LRRTM4: variants seen among roughly 807,000 people sequenced by gnomAD.
LRRTM4 encodes the protein leucine-rich repeat transmembrane neuronal protein 4.
In LRRTM4, 25 loss-of-function variants were observed where a neutral mutation model predicts 47.6. That is an observed-to-expected ratio of 0.53 (90% CI 0.38 to 0.73). The LOEUF (loss-of-function observed/expected upper bound fraction) is 0.73, where lower values mean the gene tolerates loss of function less well. Ranked by LOEUF, LRRTM4 falls within the 30% of genes least tolerant of loss-of-function variation. LRRTM4 has a pLI of 0.00. For missense variants in LRRTM4, 638 were observed against 713.4 expected (o/e 0.89, Z 1.20); for synonymous variants, 311 against 269.5 (o/e 1.15, Z -1.51).
At chr2:77,127,676 C>T (rs1257679436) in intron 3 of LRRTM4, among the ~76,000 whole-genome samples, 2 of 151,990 alleles carry the variant, frequency 1.3e-5, no homozygotes, top group Non-Finnish European at 2.9e-5. Flanking sequence ...GCAGTCTTAC[C>T]AATGGCCCAG....
intron 3 of LRRTM4, among the ~76,000 whole-genome samples, chr2:76,800,023 C>G (rs1052298298): frequency 6.6e-6 from 1 of 151,918 alleles, no homozygotes; most frequent in Admixed American, 6.6e-5. Context: ...AATGGTCATA[C>G]TGCCCAAGGT....
chr2:76,834,015 ATTTATTAT>A (rs1428195469), intron 3 of LRRTM4, among the ~76,000 whole-genome samples: 2 of 121,808 alleles, frequency 1.6e-5, no homozygotes, highest in African/African-American at 7.1e-5. Context: ...TTTTTCATTT[ATTTATTAT>A]TTATTTATTT....
At chr2:77,371,393 T>C (rs1183144756) in intron 3 of LRRTM4, among the ~76,000 whole-genome samples, 1 of 151,740 alleles carries the variant, frequency 6.6e-6, no homozygotes, top group Non-Finnish European at 1.5e-5. Context: ...CAGCTACTTT[T>C]ACCATTCCCT....
chr2:76,835,763 C>G (rs1238313290), intron 3 of LRRTM4, among the ~76,000 whole-genome samples: 1 of 151,980 alleles, frequency 6.6e-6, no homozygotes, highest in Non-Finnish European at 1.5e-5. Context: ...AAGGTTACCT[C>G]AGTGGACCAG....
intron 3 of LRRTM4, among the ~76,000 whole-genome samples, chr2:77,129,304 T>C (rs1021071204): frequency 2.0e-5 from 3 of 152,236 alleles, no homozygotes; most frequent in African/African-American, 7.2e-5. Context: ...TTCAAGCTTT[T>C]TGAAATGTTA....
intron 3 of LRRTM4, among the ~76,000 whole-genome samples, chr2:77,245,829 A>G (rs866186258): frequency 6.6e-6 from 1 of 152,198 alleles, no homozygotes; most frequent in African/African-American, 2.4e-5. Context: ...GTAGAGATGC[A>G]ATTTTAGATG....
At chr2:76,834,176 G>A (rs1671442636) in intron 3 of LRRTM4, among the ~76,000 whole-genome samples, 1 of 151,014 alleles carries the variant, frequency 6.6e-6, no homozygotes, top group South Asian at 2.1e-4. Flanking sequence ...TAATGGCTGG[G>A]ATTACAGGTG....
In LRRTM4 at chr2:77,360,180, G is replaced by A. The variant is rs997350389; in HGVS notation, c.1551+158138C>T. Among the ~76,000 whole-genome samples, 21 of 152,020 alleles carry A rather than the reference G, an allele frequency of 1.4e-4. 1 individual carries two copies. Among genetic ancestry groups the A allele is most frequent in the African/African-American group, 4.4e-4 (18 of 41,378 alleles). ...CAATAATAAATAGTGCTTGTAGGCCGGGAACAGTGGCTCACGCCTGTAATC... is the reference window on the plus strand; with the variant it reads ...CAATAATAAATAGTGCTTGTAGGCCAGGAACAGTGGCTCACGCCTGTAATC... On this transcript the variant is annotated intron_variant, in intron 3 of 3. Transcript: ENST00000409884.
At chr2:77,051,365 C>A (rs1193509659) in intron 3 of LRRTM4, among the ~76,000 whole-genome samples, 1 of 151,956 alleles carries the variant, frequency 6.6e-6, no homozygotes, top group East Asian at 1.9e-4. Flanking sequence ...TAGGGAGAGG[C>A]CAAGTGAGAG....
At chr2:77,247,838 C>A (rs137998903) in intron 3 of LRRTM4, among the ~76,000 whole-genome samples, 1 of 151,552 alleles carries the variant, frequency 6.6e-6, no homozygotes. Context: ...TGCAATTGCA[C>A]TTTTATATTT....
At chr2:77,033,935 A>G (rs978375581) in intron 3 of LRRTM4, among the ~76,000 whole-genome samples, 1 of 151,898 alleles carries the variant, frequency 6.6e-6, no homozygotes, top group South Asian at 2.1e-4. Flanking sequence ...AGCTGTAAGC[A>G]AAGGACCAGA....
chr2:76,808,190 T>G (rs1670614194), intron 3 of LRRTM4, among the ~76,000 whole-genome samples: 1 of 151,762 alleles, frequency 6.6e-6, no homozygotes, highest in African/African-American at 2.4e-5. Context: ...CAGGCTAATT[T>G]TGTATTTTTA....
chr2:77,083,783 C>CTTTTTT lies in LRRTM4; in HGVS notation c.1552-334873_1552-334868dup, dbSNP rs386390525. On this transcript the variant is annotated intron_variant, in intron 3 of 3. Coordinates refer to ENST00000409884, the MANE Select transcript of LRRTM4 (RefSeq NM_001134745.3). ...ACTTCTCAATTTTTAACTGGACACA[C>CTTTTTT]TTTTTTTTTTTTTTTTTTTTTTTTT... Among the ~76,000 whole-genome samples, 311 of 52,372 alleles carry CTTTTTT rather than the reference C, an allele frequency of 5.9e-3. 64 individuals are homozygous for CTTTTTT. Among genetic ancestry groups the CTTTTTT allele is most frequent in the Non-Finnish European group, 9.6e-3 (226 of 23,530 alleles). 34.4% of individuals were successfully genotyped at this position (52,372 alleles called of 152,430 possible). A position where few individuals can be genotyped will look rare whatever the true frequency, so the allele number is the denominator to read the frequency against.
intron 3 of LRRTM4, among the ~76,000 whole-genome samples, chr2:76,933,520 T>C (rs1674842005): frequency 6.6e-6 from 1 of 152,156 alleles, no homozygotes; most frequent in Non-Finnish European, 1.5e-5. Flanking sequence ...AAGTACTTAT[T>C]AATTTTTTAG....
At chr2:77,208,463 G>A (rs1384001802) in intron 3 of LRRTM4, among the ~76,000 whole-genome samples, 1 of 152,190 alleles carries the variant, frequency 6.6e-6, no homozygotes, top group Non-Finnish European at 1.5e-5. Context: ...TGTGAAGATG[G>A]TAGGAGGAAT....
Position 77,139,470 on chromosome 2 carries a change from G to T in LRRTM4, c.1551+378848C>A, listed in dbSNP as rs1251041425. 2.0e-5 allele frequency among the ~76,000 whole-genome samples: 3 copies of T among 151,750 alleles called. No individual in the cohort carries two copies. In the East Asian group the frequency reaches 5.8e-4, roughly 30 times the overall value. On this transcript the variant is annotated intron_variant, in intron 3 of 3. Coordinates refer to ENST00000409884, the MANE Select transcript of LRRTM4 (RefSeq NM_001134745.3). The stretch of plus-strand genomic sequence containing the variant: ...AATAAATTAGGTAGGTATTGATGGG[G>T]CGTATCTCAAAATAATAAGAGCTAT...
At chr2:77,293,827 C>A (rs531001502) in intron 3 of LRRTM4, among the ~76,000 whole-genome samples, 11 of 152,164 alleles carry the variant, frequency 7.2e-5, no homozygotes, top group African/African-American at 2.6e-4. Context: ...AGCCCTGGAC[C>A]CTCATAATGA....
rs186001519 is a variant in LRRTM4 at position 77,306,559 on chromosome 2, T to C, written c.1551+211759A>G. On this transcript the variant is annotated intron_variant, in intron 3 of 3. Coordinates refer to ENST00000409884, the MANE Select transcript of LRRTM4 (RefSeq NM_001134745.3). ...TTATTCAGCTTTTGCTGCTTATAAA[T>C]CCTTAATATCGCTCTCCTCTTCTTC... 3.3e-5 allele frequency among the ~76,000 whole-genome samples: 5 copies of C among 152,326 alleles called. No individual in the cohort carries two copies. The East Asian group carries it at 7.7e-4, about 24-fold the overall frequency.
intron 3 of LRRTM4, among the ~76,000 whole-genome samples, chr2:77,428,674 C>T (rs1364916718): frequency 6.6e-6 from 1 of 152,040 alleles, no homozygotes; most frequent in Non-Finnish European, 1.5e-5. Flanking sequence ...TTGAAGTTTG[C>T]CTGTGTATTG....
Sources: allele counts gnomAD v4.1 joint callset (sites outside exome capture counted in the v4.1 genomes callset), GRCh38; gene constraint gnomAD v4.1.1; transcripts MANE v1.5; gene names NCBI Gene and HGNC (gene_info 2026-07-23, HGNC 2026-07-21).